The following SMC6 variants were observed in gnomAD, a reference collection of about 807,000 sequenced individuals.
The protein encoded by SMC6 is structural maintenance of chromosomes 6.
Under a neutral mutation model 142.2 loss-of-function variants are expected in SMC6, and 79 were observed. The observed-to-expected ratio is 0.56, with a 90% CI of 0.46 to 0.67. The LOEUF (loss-of-function observed/expected upper bound fraction) is 0.67. Ranked by LOEUF, SMC6 falls within the 30% of genes least tolerant of loss-of-function variation. SMC6 has a pLI of 0.00. For synonymous variants in SMC6, 411 were observed against 412.4 expected (o/e 1.00, Z 0.04); for missense variants, 1,072 against 1,284.0 (o/e 0.83, Z 2.52).
chr2:17,675,179 T>C (rs1307998289), intron 25 of SMC6, among the ~76,000 whole-genome samples: 2 of 152,106 alleles, frequency 1.3e-5, no homozygotes, highest in Non-Finnish European at 2.9e-5. Flanking sequence ...AATTCAGTGG[T>C]TACTCTAGAG....
chr2:17,684,734 C>G (rs1667373841), intron 23 of SMC6, among the ~76,000 whole-genome samples: 1 of 151,998 alleles, frequency 6.6e-6, no homozygotes, highest in African/African-American at 2.4e-5. Flanking sequence ...GGGTGAGGCA[C>G]AGGATCACTT....
Position 17,700,328 on chromosome 2 carries a change from A to G in SMC6, c.2274T>C (p.His758=), listed in dbSNP as rs374822108. The G allele has an allele frequency of 9.3e-6, 15 of 1,609,942 alleles. No individual in the cohort carries two copies. Among genetic ancestry groups the G allele is most frequent in the African/African-American group, 1.3e-5 (1 of 74,718 alleles). ...CCATATTTTCTTTTTGTTGCTCCATATGTTCCTCAACCATTTTCATTTTGC... is the reference window on the plus strand; with the variant it reads ...CCATATTTTCTTTTTGTTGCTCCATGTGTTCCTCAACCATTTTCATTTTGC... ...NKSKMKMVEE[H]MEQQKENMEH... The change falls in exon 21 of 28, where the codon CAT becomes CAC. Residue 758 remains histidine (H), a synonymous_variant. Transcript: ENST00000448223.
At chr2:17,707,442 T>C in intron 17 of SMC6, 63 bp from the exon 18 acceptor site, 1 of 1,049,012 alleles carries the variant, frequency 9.5e-7, no homozygotes, top group Non-Finnish European at 1.3e-6. Context: ...ATGTACAGAA[T>C]TTCAAAATGT....
intron 23 of SMC6, among the ~76,000 whole-genome samples, chr2:17,687,589 A>C (rs1667517257): frequency 6.6e-6 from 1 of 152,222 alleles, no homozygotes. Flanking sequence ...CAAACAAATA[A>C]AAAACATGAA....
intron 18 of SMC6, among the ~76,000 whole-genome samples, chr2:17,703,863 T>C (rs1668383532): frequency 6.6e-6 from 1 of 152,052 alleles, no homozygotes; most frequent in Non-Finnish European, 1.5e-5. Context: ...CAGTACATAA[T>C]ACCTATAACA....
chr2:17,734,703 A>G (rs964448395), intron 5 of SMC6, among the ~76,000 whole-genome samples: 3 of 151,756 alleles, frequency 2.0e-5, no homozygotes, highest in Non-Finnish European at 4.4e-5. Flanking sequence ...CTTCAGAAGC[A>G]CTGATATCCT....
chr2:17,687,566 C>G (rs2124875319), intron 23 of SMC6, among the ~76,000 whole-genome samples: 1 of 152,154 alleles, frequency 6.6e-6, no homozygotes. Flanking sequence ...ACATATGAAC[C>G]TGCTTACTTT....
intron 23 of SMC6, among the ~76,000 whole-genome samples, chr2:17,692,794 G>C (rs1434126475): frequency 6.6e-6 from 1 of 152,156 alleles, no homozygotes; most frequent in Non-Finnish European, 1.5e-5. Context: ...GAACGTTTTT[G>C]CAATCTACTC....
At chr2:17,740,512 T>C (rs534210940) in intron 4 of SMC6, among the ~76,000 whole-genome samples, 49 of 152,118 alleles carry the variant, frequency 3.2e-4, no homozygotes, top group Non-Finnish European at 6.0e-4. Context: ...GTCCACAATG[T>C]GGTCAGTTTG....
Position 17,696,368 on chromosome 2 carries a change from T to A in SMC6, c.2453A>T (p.Tyr818Phe), listed in dbSNP as rs561822628. ...VDNQKRGKRH[Y>F]EEKQKEHLDT... The stretch of plus-strand genomic sequence containing the variant: ...CAAGTGTTCTTTTTGTTTTTCTTCA[T>A]AATGTCGTTTCCCTCGTTTTTGGTT... Residue 818 changes from tyrosine (Y) to phenylalanine (F), a missense_variant, in exon 22 of 28, where the codon TAT becomes TTT. This residue lies in a region of SMC6 where 994 missense variants were observed against 1,153.2 expected (regional missense o/e 0.86). Coordinates refer to ENST00000448223, the MANE Select transcript of SMC6 (RefSeq NM_001142286.2). 4.3e-6 allele frequency: 7 copies of A among 1,612,126 alleles called. 1 individual carries two copies. The South Asian group carries it at 6.6e-5, about 15-fold the overall frequency.
intron 25 of SMC6, among the ~76,000 whole-genome samples, chr2:17,675,130 T>C (rs1356985343): frequency 1.3e-5 from 2 of 151,168 alleles, no homozygotes. Context: ...ATTCCTTTTA[T>C]TTGGTCTCTG....
chr2:17,753,347 A>ACGGCCGCCTGGGAGGGGC, intron 1 of SMC6, among the ~76,000 whole-genome samples: 2 of 152,216 alleles, frequency 1.3e-5, no homozygotes, highest in African/African-American at 2.4e-5. Flanking sequence ...CTGGGAGGGG[A>ACGGCCGCCTGGGAGGGGC]CGGCCGCCTG....
chr2:17,710,002 T>C (rs1398574218), intron 16 of SMC6, among the ~76,000 whole-genome samples: 1 of 152,186 alleles, frequency 6.6e-6, no homozygotes, highest in Non-Finnish European at 1.5e-5. Context: ...CATCCAGGCC[T>C]AGAGGTCACA....
chr2:17,677,994 C>T (rs1484253706), intron 25 of SMC6, among the ~76,000 whole-genome samples: 9 of 151,966 alleles, frequency 5.9e-5, no homozygotes, highest in Non-Finnish European at 1.3e-4. Flanking sequence ...ATAGTTGTTC[C>T]TGACCTCCTG....
At position 17,678,895 on chromosome 2, in the gene SMC6, C is replaced by T; in HGVS notation, c.2874G>A (p.Met958Ile). 1 of 1,612,348 alleles carries T rather than the reference C, an allele frequency of 6.2e-7. No individual in the cohort carries two copies. Among genetic ancestry groups the T allele is most frequent in the African/African-American group, 1.3e-5 (1 of 74,978 alleles). ...LLSQRAYCGK[M>I]NFDHKNETLS... ...GAGTTTCATTCTTGTGGTCAAAATT[C>T]ATTTTTCCACAATAGGCCCGCTGAG... Residue 958 changes from methionine to isoleucine, a missense_variant, in exon 25 of 28, where the codon ATG becomes ATA. By Grantham distance (10) the Met-to-Ile change is conservative. This residue lies in a region of SMC6 where 994 missense variants were observed against 1,153.2 expected (regional missense o/e 0.86). Transcript: ENST00000448223.
Position 17,738,340 on chromosome 2 carries a change from T to C in SMC6, c.239-14A>G, listed in dbSNP as rs961105639. On this transcript the variant is annotated splice_polypyrimidine_tract_variant and intron_variant, in intron 4 of 27. Coordinates refer to ENST00000448223, the MANE Select transcript of SMC6 (RefSeq NM_001142286.2). ...CACTCTTCCCACCTAAAGAAACAGA[T>C]GTTGAAGAAATCACATTCATTAAAA... 5 of 1,576,658 alleles carry C rather than the reference T, an allele frequency of 3.2e-6. No homozygotes were observed. Among genetic ancestry groups the C allele is most frequent in the African/African-American group, 1.4e-5 (1 of 73,008 alleles).
At chr2:17,709,125 C>A (rs1411910011) in intron 16 of SMC6, among the ~76,000 whole-genome samples, 1 of 152,050 alleles carries the variant, frequency 6.6e-6, no homozygotes, top group East Asian at 1.9e-4. Flanking sequence ...ACTTATGTAA[C>A]TGGGCTAGGA....
intron 24 of SMC6, among the ~76,000 whole-genome samples, chr2:17,682,799 G>T (rs1239623918): frequency 6.6e-6 from 1 of 151,780 alleles, no homozygotes; most frequent in Non-Finnish European, 1.5e-5. Context: ...TTTAATTCAA[G>T]CCCTACTAAT....
intron 11 of SMC6, among the ~76,000 whole-genome samples, chr2:17,719,483 C>T (rs528558732): frequency 2.2e-3 from 334 of 152,172 alleles, no homozygotes; most frequent in African/African-American, 7.5e-3. Flanking sequence ...AATGCTTAAA[C>T]GGAGAAAAAG....
Sources: gnomAD v4.1 joint callset for allele counts (sites outside exome capture counted in the v4.1 genomes callset) on GRCh38, gnomAD v4.1.1 for gene constraint, gnomAD v4.1.1 regional missense constraint, MANE v1.5 for transcripts, NCBI Gene and HGNC (gene_info 2026-07-23, HGNC 2026-07-21) for gene names.